CDH18: variants seen among roughly 807,000 people sequenced by gnomAD.
CDH18 encodes cadherin-18.
CDH18 carries 31 observed loss-of-function variants against 67.9 expected under a neutral mutation model. The observed-to-expected ratio is 0.46, with a 90% CI of 0.34 to 0.62. The LOEUF (loss-of-function observed/expected upper bound fraction) is 0.62, where lower values mean the gene tolerates loss of function less well. Ranked by LOEUF, CDH18 falls within the 20% of genes least tolerant of loss-of-function variation. CDH18 has a pLI of 0.01. For synonymous variants in CDH18, 362 were observed against 347.2 expected, an observed-to-expected ratio of 1.04 and a Z score of -0.48; for missense variants, 890 against 975.5, an observed-to-expected ratio of 0.91 and a Z score of 1.17.
At chr5:19,868,808 G>C (rs1785898036) in intron 2 of CDH18, among the ~76,000 whole-genome samples, 1 of 152,150 alleles carries the variant, frequency 6.6e-6, no homozygotes, top group Non-Finnish European at 1.5e-5. Flanking sequence ...TTCAGCCAGG[G>C]AATGAGGGTC....
intron 2 of CDH18, among the ~76,000 whole-genome samples, chr5:20,207,245 A>G (rs1739969576): frequency 6.6e-6 from 1 of 152,084 alleles, no homozygotes; most frequent in Non-Finnish European, 1.5e-5. Context: ...ACTTACAAAT[A>G]ATACAAAATA....
chr5:20,478,321 T>G (rs1752573557), intron 1 of CDH18, among the ~76,000 whole-genome samples: 1 of 152,084 alleles, frequency 6.6e-6, no homozygotes, highest in Non-Finnish European at 1.5e-5. Flanking sequence ...ATTCAAGGCC[T>G]TGGTTCCAGG....
chr5:20,417,471 T>A (rs1451886790), intron 1 of CDH18, among the ~76,000 whole-genome samples: 1 of 152,216 alleles, frequency 6.6e-6, no homozygotes, highest in Admixed American at 6.5e-5. Context: ...TTCTATGATT[T>A]CCAATGGTCT....
At chr5:20,204,305 CA>C (rs1446202104) in intron 2 of CDH18, among the ~76,000 whole-genome samples, 1 of 151,662 alleles carries the variant, frequency 6.6e-6, no homozygotes, top group African/African-American at 2.4e-5. Context: ...GACTTCTCAA[CA>C]GAAACCATAC....
chr5:20,336,772 C>T (rs970691874), intron 1 of CDH18, among the ~76,000 whole-genome samples: 1 of 143,414 alleles, frequency 7.0e-6, no homozygotes, highest in Non-Finnish European at 1.5e-5. Flanking sequence ...TTCCTTATGC[C>T]AGGATGTTGC....
At chr5:20,394,266 A>G (rs1745104829) in intron 1 of CDH18, among the ~76,000 whole-genome samples, 1 of 152,008 alleles carries the variant, frequency 6.6e-6, no homozygotes, top group Admixed American at 6.6e-5. Context: ...AATAGTTACA[A>G]CCAATTTGTC....
At chr5:19,526,021 T>C (rs1747702368) in intron 9 of CDH18, among the ~76,000 whole-genome samples, 1 of 152,164 alleles carries the variant, frequency 6.6e-6, no homozygotes, top group South Asian at 2.1e-4. Context: ...AACATAAATA[T>C]AAATCATATT....
In CDH18 at chr5:20,283,154, G is replaced by T. The variant is rs538810100; in HGVS notation, c.-579-27649C>A. 6.7e-4 allele frequency among the ~76,000 whole-genome samples: 101 copies of T among 151,616 alleles called. 3 individuals are homozygous for T. The South Asian group carries it at 0.016, about 24-fold the overall frequency. Reference sequence around the variant, plus strand: ...AAGACCTGAAACTATAAAATTACTAGAAAAAAAATAACTTTTGTAAACTCT... The same window carrying T: ...AAGACCTGAAACTATAAAATTACTATAAAAAAAATAACTTTTGTAAACTCT... On this transcript the variant is annotated intron_variant, in intron 1 of 14. Coordinates refer to the CDH18 transcript ENST00000507958.
At chr5:20,200,278 A>G (rs1739343042) in intron 2 of CDH18, among the ~76,000 whole-genome samples, 1 of 152,194 alleles carries the variant, frequency 6.6e-6, no homozygotes, top group Admixed American at 6.5e-5. Flanking sequence ...CCAGATTCAA[A>G]TCAGCAATCA....
At chr5:20,014,071 A>C (rs1418861683) in intron 2 of CDH18, among the ~76,000 whole-genome samples, 2 of 152,172 alleles carry the variant, frequency 1.3e-5, no homozygotes, top group Admixed American at 1.3e-4. Context: ...TCTGATACTT[A>C]TAGAAAATAA....
rs908960073 is a variant in CDH18, at chr5:20,360,651, G to T, written c.-579-105146C>A. Among the ~76,000 whole-genome samples, 4 of 152,184 alleles carry T rather than the reference G, an allele frequency of 2.6e-5. No homozygotes were observed. The East Asian group carries it at 7.7e-4, about 29-fold the overall frequency. ...TTATCCTTCATCACAATAGTTGGGT[G>T]TGTGTTCAAGATGACACAATTAGCA... is the stretch of plus-strand genomic sequence containing the variant. On this transcript the variant is annotated intron_variant, in intron 1 of 14. Transcript: ENST00000507958.
intron 3 of CDH18, among the ~76,000 whole-genome samples, chr5:19,812,670 G>A (rs1269857390): frequency 6.6e-6 from 1 of 152,078 alleles, no homozygotes; most frequent in East Asian, 1.9e-4. Context: ...AATCTGTAAT[G>A]GGTCCAAATG....
intron 11 of CDH18, 99 bp from the exon 12 acceptor site, chr5:19,483,651 G>C: frequency 3.1e-6 from 4 of 1,281,752 alleles, no homozygotes; most frequent in Non-Finnish European, 3.2e-6. Flanking sequence ...TATCTTTCTT[G>C]TTTCAGTTTA....
intron 5 of CDH18, among the ~76,000 whole-genome samples, chr5:19,647,823 T>C (rs1755003333): frequency 6.6e-6 from 1 of 152,050 alleles, no homozygotes; most frequent in Non-Finnish European, 1.5e-5. Flanking sequence ...ATAGAGGAGG[T>C]GTCCACCAAT....
chr5:20,504,070 A>T (rs1754509651), intron 1 of CDH18, among the ~76,000 whole-genome samples: 1 of 151,706 alleles, frequency 6.6e-6, no homozygotes, highest in African/African-American at 2.4e-5. Flanking sequence ...GAGAGTTAGT[A>T]CTGCTGCTAC....
At chr5:20,334,630 A>G (rs1438731521) in intron 1 of CDH18, among the ~76,000 whole-genome samples, 1 of 152,112 alleles carries the variant, frequency 6.6e-6, no homozygotes, top group Admixed American at 6.5e-5. Flanking sequence ...ATGGGGTGAA[A>G]GAAGAATAGT....
chr5:20,024,751 A>G (rs1211432070), intron 2 of CDH18, among the ~76,000 whole-genome samples: 1 of 152,190 alleles, frequency 6.6e-6, no homozygotes, highest in African/African-American at 2.4e-5. Flanking sequence ...AAGGAGTCTA[A>G]CAAGGAGATG....
intron 5 of CDH18, among the ~76,000 whole-genome samples, chr5:19,687,085 T>A (rs1402275482): frequency 2.6e-5 from 4 of 152,072 alleles, no homozygotes; most frequent in Non-Finnish European, 5.9e-5. Flanking sequence ...AAGCAACTAA[T>A]TTGGCTGTGA....
intron 1 of CDH18, among the ~76,000 whole-genome samples, chr5:20,271,017 G>T (rs941446865): frequency 6.6e-6 from 1 of 152,042 alleles, no homozygotes; most frequent in African/African-American, 2.4e-5. Flanking sequence ...AGGATCAAGA[G>T]AGATAACTAA....
Sources: allele counts gnomAD v4.1 joint callset (sites outside exome capture counted in the v4.1 genomes callset), GRCh38; gene constraint gnomAD v4.1.1; transcripts MANE v1.5; gene names NCBI Gene and HGNC (gene_info 2026-07-23, HGNC 2026-07-21).